The following RYR2 variants were observed in gnomAD, a reference collection of about 807,000 sequenced individuals.
The protein encoded by RYR2 is ryanodine receptor 2, also known as cardiac muscle ryanodine receptor-calcium release channel.
RYR2 carries 227 observed loss-of-function variants against 601.1 expected under a neutral mutation model. The observed-to-expected ratio is 0.38, with a 90% CI of 0.34 to 0.42. The LOEUF (loss-of-function observed/expected upper bound fraction) is 0.42. Ranked by LOEUF, RYR2 falls within the 10% of genes least tolerant of loss-of-function variation. The pLI, the probability that RYR2 is intolerant of heterozygous loss-of-function variation, is 1.00. For missense variants in RYR2, 4,646 were observed against 6,156.5 expected (o/e 0.75, Z 8.21); for synonymous variants, 2,223 against 2,175.1 (o/e 1.02, Z -0.61).
At chr1:237,737,138 C>G (rs993289096) in intron 79 of RYR2, among the ~76,000 whole-genome samples, 2 of 152,124 alleles carry the variant, frequency 1.3e-5, no homozygotes, top group African/African-American at 4.8e-5. Flanking sequence ...TAGAGTTCTT[C>G]CTTGTGAGTG....
intron 98 of RYR2, among the ~76,000 whole-genome samples, chr1:237,803,598 T>C (rs892449303): frequency 1.3e-5 from 2 of 152,102 alleles, no homozygotes; most frequent in East Asian, 1.9e-4. Context: ...CCACGCCCAG[T>C]CTTGCATTTC....
At chr1:237,086,331 T>C (rs1666326927) in intron 1 of RYR2, among the ~76,000 whole-genome samples, 1 of 152,176 alleles carries the variant, frequency 6.6e-6, no homozygotes, top group Non-Finnish European at 1.5e-5. Flanking sequence ...CTAAGCTCAC[T>C]AGTCATATTG....
chr1:237,262,284 T>C (rs537129633), intron 1 of RYR2, among the ~76,000 whole-genome samples: 59 of 139,496 alleles, frequency 4.2e-4, no homozygotes, highest in Admixed American at 1.3e-3. Context: ...TGATGGAGTT[T>C]CACTCTTGTC....
intron 25 of RYR2, among the ~76,000 whole-genome samples, chr1:237,546,987 ATATATATATTTATT>A (rs201367827): frequency 4.0e-5 from 5 of 125,044 alleles, no homozygotes; most frequent in Admixed American, 8.5e-5. Context: ...ATATATATAT[ATATATATATTTATT>A]TATTTATTTA....
chr1:237,368,289 A>G (rs945206716), intron 5 of RYR2, among the ~76,000 whole-genome samples: 6 of 152,236 alleles, frequency 3.9e-5, no homozygotes, highest in African/African-American at 1.4e-4. Context: ...TGGAAGTTAC[A>G]GAAGAAAAAT....
intron 63 of RYR2, among the ~76,000 whole-genome samples, chr1:237,688,708 C>T (rs1686664957): frequency 6.6e-6 from 1 of 152,108 alleles, no homozygotes; most frequent in Non-Finnish European, 1.5e-5. Flanking sequence ...TTTTCATGGG[C>T]TTATTCAGGC....
At chr1:237,629,112 G>C (rs1679990323) in intron 41 of RYR2, among the ~76,000 whole-genome samples, 1 of 152,148 alleles carries the variant, frequency 6.6e-6, no homozygotes, top group African/African-American at 2.4e-5. Context: ...CAGAGAAAAA[G>C]AATGGGATGC....
chr1:237,635,642 A>C (rs1399774158), intron 44 of RYR2, among the ~76,000 whole-genome samples: 2 of 152,090 alleles, frequency 1.3e-5, no homozygotes, highest in African/African-American at 4.8e-5. Context: ...TTCCCTTATC[A>C]GCCAAAGTGA....
intron 62 of RYR2, 146 bp from the exon 63 acceptor site, chr1:237,687,309 A>G (rs1686483158): frequency 1.6e-6 from 1 of 622,450 alleles, no homozygotes. Flanking sequence ...TCTGCGTGAC[A>G]TCATGTTGCT....
intron 17 of RYR2, 143 bp from the exon 18 acceptor site, chr1:237,491,663 A>C (rs2150411958): frequency 1.8e-6 from 1 of 554,552 alleles, no homozygotes; most frequent in South Asian, 2.4e-5. Flanking sequence ...CCTGTCACCT[A>C]TCACAGTGCC....
At position 237,225,334 on chromosome 1, in the gene RYR2, G is replaced by A. The variant is rs561450719; in HGVS notation, c.49-45163G>A. Among the ~76,000 whole-genome samples the A allele has an allele frequency of 2.0e-5, 3 of 152,118 alleles. No individual in the cohort carries two copies. In the East Asian group the frequency reaches 5.8e-4, roughly 29 times the overall value. Reference sequence around the variant, plus strand: ...GCGCTGCTCATAAAGAGATGCCCAAGACTGGGTAATTTATAAAGAAAAGGA... The same window carrying A: ...GCGCTGCTCATAAAGAGATGCCCAAAACTGGGTAATTTATAAAGAAAAGGA... On this transcript the variant is annotated intron_variant, in intron 1 of 104. Transcript: ENST00000366574.
intron 65 of RYR2, among the ~76,000 whole-genome samples, chr1:237,700,802 C>G (rs1687902786): frequency 6.6e-6 from 1 of 152,102 alleles, no homozygotes; most frequent in Non-Finnish European, 1.5e-5. Context: ...TAACATGCAA[C>G]AGTAAATGTT....
At chr1:237,565,179 CTTTCTTTCTTTCTTTCTT>C (rs1559035861) in intron 27 of RYR2, among the ~76,000 whole-genome samples, 63 of 120,304 alleles carry the variant, frequency 5.2e-4, no homozygotes, top group Middle Eastern at 4.3e-3. Context: ...TTCTTTCTTT[CTTTCTTTCTTTCTTTCTT>C]TCTTTCTTTC....
chr1:237,619,616 CAAG>C (rs1410336115), intron 38 of RYR2, among the ~76,000 whole-genome samples: 1 of 151,988 alleles, frequency 6.6e-6, no homozygotes, highest in Admixed American at 6.5e-5. Context: ...GTGAGAGATT[CAAG>C]AAGATGAGTA....
At chr1:237,317,052 C>G (rs1402401314) in intron 2 of RYR2, among the ~76,000 whole-genome samples, 5 of 152,132 alleles carry the variant, frequency 3.3e-5, no homozygotes, top group Non-Finnish European at 5.9e-5. Flanking sequence ...CCACAAAAGG[C>G]TGATGATTGT....
intron 42 of RYR2, among the ~76,000 whole-genome samples, chr1:237,631,847 C>T (rs575289186): frequency 1.8e-4 from 24 of 133,438 alleles, no homozygotes; most frequent in South Asian, 7.3e-4. Flanking sequence ...CCAGGATGGT[C>T]TCGATCTCCT....
At chr1:237,702,125 A>G (rs1223672241) in intron 66 of RYR2, 66 bp downstream of exon 66, 1 of 903,830 alleles carries the variant, frequency 1.1e-6, no homozygotes. Flanking sequence ...ATTTATTTCA[A>G]GAATCTTCAT....
chr1:237,759,038 A>G (rs1398382602), intron 82 of RYR2, among the ~76,000 whole-genome samples: 1 of 152,210 alleles, frequency 6.6e-6, no homozygotes, highest in Non-Finnish European at 1.5e-5. Context: ...ATTTCCGTCT[A>G]TAGCATTAGC....
At chr1:237,300,916 C>A (rs1333868442) in intron 2 of RYR2, among the ~76,000 whole-genome samples, 1 of 151,968 alleles carries the variant, frequency 6.6e-6, no homozygotes, top group Admixed American at 6.6e-5. Context: ...TACTGTCTTA[C>A]AATAATCGAA....
Sources: gnomAD v4.1 joint callset for allele counts (sites outside exome capture counted in the v4.1 genomes callset) on GRCh38, gnomAD v4.1.1 for gene constraint, MANE v1.5 for transcripts, NCBI Gene and HGNC (gene_info 2026-07-23, HGNC 2026-07-21) for gene names.